Variants in GRM7 observed in about 807,000 individuals in gnomAD.
The protein encoded by GRM7 is glutamate metabotropic receptor 7.
A neutral mutation model predicts 84.5 loss-of-function variants in GRM7; 35 were observed. The ratio of observed to expected loss-of-function variants is 0.41; its 90% CI spans 0.32 to 0.55. The LOEUF (loss-of-function observed/expected upper bound fraction) is 0.55. GRM7 is among the 20% of genes least tolerant of loss of function. The pLI is 0.19. For missense variants in GRM7, 1,003 were observed against 1,194.6 expected, an observed-to-expected ratio of 0.84 and a Z score of 2.36; for synonymous variants, 487 against 455.1, an observed-to-expected ratio of 1.07 and a Z score of -0.89.
chr3:7,117,034 G>C (rs1045973485), intron 1 of GRM7, among the ~76,000 whole-genome samples: 1 of 152,140 alleles, frequency 6.6e-6, no homozygotes, highest in Admixed American at 6.5e-5. Context: ...AAAGTATTAG[G>C]AGTAGATTGG....
chr3:7,665,254 ATCC>A (rs1437430049), intron 8 of GRM7, among the ~76,000 whole-genome samples: 2 of 146,630 alleles, frequency 1.4e-5, no homozygotes, highest in African/African-American at 2.6e-5. Context: ...TCACTGCAAG[ATCC>A]GCCTCCCGGG....
At chr3:6,909,813 T>C (rs1457765627) in intron 1 of GRM7, among the ~76,000 whole-genome samples, 3 of 152,118 alleles carry the variant, frequency 2.0e-5, no homozygotes, top group Non-Finnish European at 4.4e-5. Context: ...AATCTTGTTT[T>C]CTATCCATGA....
chr3:7,511,964 A>G (rs1220683167), intron 7 of GRM7, among the ~76,000 whole-genome samples: 1 of 152,068 alleles, frequency 6.6e-6, no homozygotes, highest in African/African-American at 2.4e-5. Flanking sequence ...CCACATAGTG[A>G]GACACTGTCT....
At chr3:6,955,698 T>G (rs184347901) in intron 1 of GRM7, among the ~76,000 whole-genome samples, 9 of 151,896 alleles carry the variant, frequency 5.9e-5, no homozygotes, top group African/African-American at 1.7e-4. Flanking sequence ...CAAAATTTTT[T>G]GGGTGTCATG....
chr3:7,510,602 T>A (rs1007559848), intron 7 of GRM7, among the ~76,000 whole-genome samples: 1 of 152,030 alleles, frequency 6.6e-6, no homozygotes, highest in Non-Finnish European at 1.5e-5. Context: ...TTGGGTAAGA[T>A]TAGGTAAAAT....
At chr3:7,533,207 C>T (rs1293466398) in intron 7 of GRM7, among the ~76,000 whole-genome samples, 1 of 152,172 alleles carries the variant, frequency 6.6e-6, no homozygotes, top group Non-Finnish European at 1.5e-5. Flanking sequence ...TTCTCAGCAC[C>T]ACTTTGCATT....
chr3:6,886,100 TGTGTGTGTGG>T (rs1695682913), intron 1 of GRM7, among the ~76,000 whole-genome samples: 1 of 151,748 alleles, frequency 6.6e-6, no homozygotes, highest in Non-Finnish European at 1.5e-5. Flanking sequence ...TACCATTGTG[TGTGTGTGTGG>T]GTGTGTGTGT....
chr3:7,657,026 C>T (rs942483054), intron 8 of GRM7, among the ~76,000 whole-genome samples: 14 of 152,266 alleles, frequency 9.2e-5, no homozygotes, highest in African/African-American at 3.4e-4. Flanking sequence ...TGTTTTTCTA[C>T]ACACTCATAT....
At chr3:7,019,614 T>C (rs1328891991) in intron 1 of GRM7, among the ~76,000 whole-genome samples, 2 of 152,172 alleles carry the variant, frequency 1.3e-5, no homozygotes, top group Non-Finnish European at 2.9e-5. Flanking sequence ...TAAGAGTGCA[T>C]GGAAAGTGGT....
At chr3:7,229,737 ATATATATATATATATATATATAT>A (rs1559514526) in intron 2 of GRM7, among the ~76,000 whole-genome samples, 2 of 21,894 alleles carry the variant, frequency 9.1e-5, no homozygotes, top group East Asian at 2.0e-3. Context: ...ATATATATAT[ATATATATATATATATATATATAT>A]TTTTTTTTTT....
intron 1 of GRM7, among the ~76,000 whole-genome samples, chr3:7,036,567 C>T (rs1056160057): frequency 3.9e-5 from 6 of 151,918 alleles, no homozygotes; most frequent in African/African-American, 9.7e-5. Context: ...GGGTATAGTC[C>T]AACTATAATT....
At chr3:7,412,629 C>T (rs1490417294) in intron 4 of GRM7, among the ~76,000 whole-genome samples, 1 of 152,132 alleles carries the variant, frequency 6.6e-6, no homozygotes, top group Admixed American at 6.5e-5. Flanking sequence ...AAGTCCATTT[C>T]ATTTTCTCTA....
At chr3:7,223,151 A>C (rs1696866816) in intron 2 of GRM7, among the ~76,000 whole-genome samples, 1 of 152,136 alleles carries the variant, frequency 6.6e-6, no homozygotes, top group Non-Finnish European at 1.5e-5. Context: ...ATTTAGTAAG[A>C]TCTTTGCATC....
chr3:7,034,107 A>T (rs1308228812), intron 1 of GRM7, among the ~76,000 whole-genome samples: 3 of 152,200 alleles, frequency 2.0e-5, no homozygotes, highest in Admixed American at 2.0e-4. Context: ...AAATTGGTCA[A>T]GGGTAGGCTA....
At chr3:7,447,774 G>A (rs1339406521) in intron 5 of GRM7, among the ~76,000 whole-genome samples, 1 of 151,104 alleles carries the variant, frequency 6.6e-6, no homozygotes, top group East Asian at 1.9e-4. Context: ...TATACTTTAA[G>A]TTTTAGGGTA....
chr3:7,170,687 G>T (rs1694954031), intron 2 of GRM7, among the ~76,000 whole-genome samples: 1 of 152,194 alleles, frequency 6.6e-6, no homozygotes, highest in Non-Finnish European at 1.5e-5. Flanking sequence ...GCATGCAGGA[G>T]ATGTGTCCAT....
chr3:7,285,138 G>A (rs1278688820), intron 2 of GRM7, among the ~76,000 whole-genome samples: 1 of 152,164 alleles, frequency 6.6e-6, no homozygotes, highest in Non-Finnish European at 1.5e-5. Context: ...TTCAGTAGCT[G>A]TGAAAGAGCC....
chr3:7,510,709 C>G (rs1700173318), intron 7 of GRM7, among the ~76,000 whole-genome samples: 1 of 151,842 alleles, frequency 6.6e-6, no homozygotes, highest in Non-Finnish European at 1.5e-5. Context: ...AGCCCACATG[C>G]TAAGAATAGT....
chr3:7,365,149 G>C (rs543398795), intron 4 of GRM7, among the ~76,000 whole-genome samples: 1 of 151,618 alleles, frequency 6.6e-6, no homozygotes, highest in African/African-American at 2.4e-5. Context: ...GCTGCCAAAC[G>C]AATTTTTTAA....
Sources: allele counts gnomAD v4.1 joint callset (sites outside exome capture counted in the v4.1 genomes callset), GRCh38; gene constraint gnomAD v4.1.1; transcripts MANE v1.5; gene names NCBI Gene and HGNC (gene_info 2026-07-23, HGNC 2026-07-21).